The following AADACL2 variants were observed in gnomAD, a reference collection of about 807,000 sequenced individuals.
AADACL2 encodes arylacetamide deacetylase like 2, also known as arylacetamide deacetylase-like 2.
Under a neutral mutation model 22.3 loss-of-function variants are expected in AADACL2, and 23 were observed. That is an observed-to-expected ratio of 1.03 (90% CI 0.74 to 1.46). The LOEUF is 1.46. Among genes scored for constraint, AADACL2 ranks in the 40% most tolerant of loss-of-function variants. The pLI, the probability that AADACL2 is intolerant of heterozygous loss-of-function variation, is 0.00. For missense variants in AADACL2, 472 were observed against 482.9 expected (o/e 0.98, Z 0.21); for synonymous variants, 177 against 166.2 (o/e 1.07, Z -0.50).
At chr3:151,752,064 T>G (rs1713690416) in intron 4 of AADACL2, among the ~76,000 whole-genome samples, 1 of 152,170 alleles carries the variant, frequency 6.6e-6, no homozygotes, top group Non-Finnish European at 1.5e-5. Flanking sequence ...ATACTTTAAG[T>G]TATTTGTTCT....
chr3:151,747,204 C>T (rs542099899), intron 4 of AADACL2, among the ~76,000 whole-genome samples: 4 of 152,072 alleles, frequency 2.6e-5, no homozygotes, highest in African/African-American at 7.2e-5. Flanking sequence ...AGCTAAGTAA[C>T]GTAATCATTA....
intron 3 of AADACL2, among the ~76,000 whole-genome samples, chr3:151,745,133 G>A (rs1713396553): frequency 6.6e-6 from 1 of 152,052 alleles, no homozygotes; most frequent in Non-Finnish European, 1.5e-5. Flanking sequence ...CAGATCTGCA[G>A]CCTATTGTGC....
At chr3:151,753,704 C>T (rs1713764107) in intron 4 of AADACL2, among the ~76,000 whole-genome samples, 1 of 152,080 alleles carries the variant, frequency 6.6e-6, no homozygotes, top group Non-Finnish European at 1.5e-5. Context: ...GTAGGAACTC[C>T]TCAAATAACA....
At chr3:151,756,084 T>C (rs1292238094) in intron 4 of AADACL2, among the ~76,000 whole-genome samples, 1 of 152,082 alleles carries the variant, frequency 6.6e-6, no homozygotes, top group East Asian at 1.9e-4. Context: ...CTGTGGTGAC[T>C]GGGTGACTTA....
chr3:151,742,656 G>T (rs550893472), intron 2 of AADACL2, among the ~76,000 whole-genome samples: 1 of 152,198 alleles, frequency 6.6e-6, no homozygotes, highest in South Asian at 2.1e-4. Context: ...GAAAAGGGTG[G>T]TCACACATCA....
At chr3:151,753,474 A>T (rs1713752339) in intron 4 of AADACL2, among the ~76,000 whole-genome samples, 1 of 152,172 alleles carries the variant, frequency 6.6e-6, no homozygotes, top group South Asian at 2.1e-4. Flanking sequence ...GGATGAGGCC[A>T]AAAAATCCTC....
chr3:151,740,687 G>A lies in AADACL2; in HGVS notation c.180G>A (p.Glu60=). 6.2e-7 allele frequency: 1 copy of A among 1,613,602 alleles called. No homozygotes were observed. The highest frequency in any genetic ancestry group is 1.1e-5 in the South Asian group (1 of 91,054). The change falls in exon 2 of 5, where the codon GAG becomes GAA. Residue 60 remains glutamate, a synonymous_variant. Transcript: ENST00000356517. ...ATATGCGTATTATGAGATATGAAGA[G>A]TTTATATCCATGATATTCAGGCTGG... ...FENMRIMRYE[E]FISMIFRLDY...
intron 1 of AADACL2, among the ~76,000 whole-genome samples, chr3:151,735,999 TG>T (rs1713073944): frequency 6.6e-6 from 1 of 152,082 alleles, no homozygotes; most frequent in Non-Finnish European, 1.5e-5. Context: ...ACATCAAATA[TG>T]GAATTTAAAG....
In AADACL2 at chr3:151,759,153, G is replaced by A. The variant is rs1434339329; in HGVS notation, c.*1559G>A. ...TCTAAATGGAGATTTGATACTATAT[G>A]CTATACTACATACACTAAGAATATT... On this transcript the variant is annotated 3_prime_UTR_variant, in exon 5 of 5. Coordinates refer to ENST00000356517, the MANE Select transcript of AADACL2 (RefSeq NM_207365.4). 1.3e-5 allele frequency: 2 copies of A among 151,958 alleles called. No homozygotes were observed. The highest frequency in any genetic ancestry group is 4.8e-5 in the African/African-American group (2 of 41,368). 9.4% of individuals were successfully genotyped at this position (151,958 alleles called of 1,614,324 possible).
intron 1 of AADACL2, among the ~76,000 whole-genome samples, chr3:151,739,468 C>G (rs895534598): frequency 6.6e-6 from 1 of 152,326 alleles, no homozygotes. Context: ...TCAGGAGGCA[C>G]AGGGGTCAGC....
intron 2 of AADACL2, 133 bp downstream of exon 2, chr3:151,741,001 G>C (rs372080683): frequency 1.1e-4 from 76 of 674,964 alleles, no homozygotes; most frequent in East Asian, 4.8e-4. Flanking sequence ...GATAAGTATA[G>C]ATATAAATAT....
At chr3:151,734,296 TGAGTA>T (rs1713021734) in intron 1 of AADACL2, 123 bp downstream of exon 1, 7 of 1,122,606 alleles carry the variant, frequency 6.2e-6, no homozygotes, top group Admixed American at 5.8e-5. Context: ...ATTGCTTGTT[TGAGTA>T]AATTAATTAA....
At chr3:151,737,481 C>A (rs1177575740) in intron 1 of AADACL2, among the ~76,000 whole-genome samples, 1 of 151,992 alleles carries the variant, frequency 6.6e-6, no homozygotes, top group East Asian at 1.9e-4. Context: ...ATTAGGTCCC[C>A]TTGGTCCAGA....
At chr3:151,749,483 A>G (rs1369115717) in intron 4 of AADACL2, among the ~76,000 whole-genome samples, 1 of 151,734 alleles carries the variant, frequency 6.6e-6, no homozygotes, top group Non-Finnish European at 1.5e-5. Context: ...ATGAAAATAG[A>G]CTTTTTTTTT....
At position 151,758,458 on chromosome 3, in the gene AADACL2, T is replaced by C. The variant is rs535461766; in HGVS notation, c.*864T>C. On this transcript the variant is annotated 3_prime_UTR_variant, in exon 5 of 5. Transcript: ENST00000356517. ...TTGCAGATTTCCCCACCCTTTTCTATATAAAGTAACCTTCAGAGATTAGGA... is the reference window on the plus strand; with the variant it reads ...TTGCAGATTTCCCCACCCTTTTCTACATAAAGTAACCTTCAGAGATTAGGA... 6.6e-6 allele frequency: 1 copy of C among 152,228 alleles called. No individual in the cohort carries two copies. The highest frequency in any genetic ancestry group is 2.4e-5 in the African/African-American group (1 of 41,536). The allele number at this position is 152,228 out of a possible 1,614,324, so 9.4% of individuals were successfully genotyped here. A position where few individuals can be genotyped will look rare whatever the true frequency, so the allele number is the denominator to read the frequency against.
intron 4 of AADACL2, chr3:151,751,405 T>C (rs527542475): frequency 8.5e-5 from 13 of 152,274 alleles, no homozygotes; most frequent in African/African-American, 2.6e-4. Context: ...GTAGCAAGCA[T>C]AACTGAAACA....
intron 4 of AADACL2, among the ~76,000 whole-genome samples, chr3:151,746,343 G>A (rs1120606): frequency 7.7e-4 from 114 of 148,266 alleles, no homozygotes; most frequent in South Asian, 2.6e-3. Flanking sequence ...CACTTATAAC[G>A]CTAGTGTTCT....
rs183727572 is a variant in AADACL2, at chr3:151,761,188, G to T, written c.*3594G>T. On this transcript the variant is annotated 3_prime_UTR_variant, in exon 5 of 5. Transcript: ENST00000356517. ...AGATATATATTTATATATATGGTGA[G>T]ATATATACATATTGTGATATATATA... is the stretch of plus-strand genomic sequence containing the variant. The T allele has an allele frequency of 1.2e-3, 117 of 100,170 alleles. No homozygotes were observed. The highest frequency in any genetic ancestry group is 5.6e-3 in the East Asian group (19 of 3,418). The allele number at this position is 100,170 out of a possible 1,614,324, so 6.2% of individuals were successfully genotyped here.
At chr3:151,744,054 A>T (rs759232695) in intron 2 of AADACL2, 39 bp from the exon 3 acceptor site, 4 of 1,591,416 alleles carry the variant, frequency 2.5e-6, no homozygotes, top group South Asian at 2.2e-5. Context: ...TAGCTTTTTA[A>T]TTACAGGAAA....
Sources: allele counts gnomAD v4.1 joint callset (sites outside exome capture counted in the v4.1 genomes callset), GRCh38; gene constraint gnomAD v4.1.1; transcripts MANE v1.5; gene names NCBI Gene and HGNC (gene_info 2026-07-23, HGNC 2026-07-21).